CDC73: variants seen among roughly 807,000 people sequenced by gnomAD.
CDC73 encodes the protein parafibromin.
CDC73 carries 21 observed loss-of-function variants against 83.7 expected under a neutral mutation model. That is an observed-to-expected ratio of 0.25 (90% CI 0.18 to 0.36). The LOEUF is 0.36. Among genes scored for constraint, CDC73 ranks in the 10% least tolerant of loss-of-function variants. CDC73 has a pLI of 1.00. For synonymous variants in CDC73, 224 were observed against 212.9 expected (o/e 1.05, Z -0.45); for missense variants, 342 against 653.3 (o/e 0.52, Z 5.19).
intron 15 of CDC73, among the ~76,000 whole-genome samples, chr1:193,238,566 C>G (rs933807974): frequency 1.3e-5 from 2 of 152,154 alleles, no homozygotes; most frequent in Admixed American, 6.5e-5. Flanking sequence ...CTCTGGTTAT[C>G]AACTGGAATG....
intron 2 of CDC73, among the ~76,000 whole-genome samples, chr1:193,128,929 A>G (rs2103116712): frequency 6.6e-6 from 1 of 151,342 alleles, no homozygotes; most frequent in African/African-American, 2.4e-5. Flanking sequence ...TGTGTTTCAG[A>G]CTGGGTCTCG....
intron 2 of CDC73, among the ~76,000 whole-genome samples, chr1:193,127,288 A>AGT (rs747114430): frequency 3.7e-4 from 25 of 68,176 alleles, no homozygotes; most frequent in African/African-American, 1.3e-3. Context: ...AAAAAAAAAA[A>AGT]ATGTGTGTGT....
rs1245602161 is a variant in CDC73 at position 193,181,636 on chromosome 1, T to C, written c.973-22159T>C. ...TTTTCTTCTCCTTAATACTATTCTT[T>C]GGCAATCATTTTCTAATTCAGTCAC... On this transcript the variant is annotated intron_variant, in intron 10 of 16. Transcript: ENST00000367435. 2 of 1,320,396 alleles carry C rather than the reference T, an allele frequency of 1.5e-6. 1 individual carries two copies. Among genetic ancestry groups the C allele is most frequent in the South Asian group, 2.9e-5 (2 of 67,802 alleles). 81.8% of individuals were successfully genotyped at this position (1,320,396 alleles called of 1,614,324 possible). A position where few individuals can be genotyped will look rare whatever the true frequency, so the allele number is the denominator to read the frequency against.
intron 1 of CDC73, among the ~76,000 whole-genome samples, chr1:193,123,683 T>A (rs1036062522): frequency 1.3e-5 from 2 of 152,024 alleles, no homozygotes; most frequent in Admixed American, 6.5e-5. Flanking sequence ...TTTTTTTTTT[T>A]AGACAATGGC....
chr1:193,193,353 A>T (rs1006849531), intron 10 of CDC73, among the ~76,000 whole-genome samples: 3 of 152,200 alleles, frequency 2.0e-5, no homozygotes, highest in Admixed American at 2.0e-4. Context: ...ATAGCAAGAT[A>T]ATTGGAAATA....
At chr1:193,158,782 T>C (rs1402038516) in intron 10 of CDC73, among the ~76,000 whole-genome samples, 3 of 152,102 alleles carry the variant, frequency 2.0e-5, no homozygotes, top group African/African-American at 7.2e-5. Context: ...ACACTATTTT[T>C]TATATATATG....
intron 10 of CDC73, among the ~76,000 whole-genome samples, chr1:193,192,835 C>T (rs762024998): frequency 4.1e-4 from 63 of 152,288 alleles, no homozygotes; most frequent in East Asian, 1.2e-3. Flanking sequence ...GGTCACCCTC[C>T]GCTGGAGAGA....
intron 13 of CDC73, among the ~76,000 whole-genome samples, chr1:193,225,797 A>T (rs1677557084): frequency 6.6e-6 from 1 of 151,900 alleles, no homozygotes; most frequent in Non-Finnish European, 1.5e-5. Context: ...TAGATTCTGG[A>T]TATTAGTCCT....
At chr1:193,193,766 G>GCTAA (rs10626649) in intron 10 of CDC73, among the ~76,000 whole-genome samples, 108,327 of 148,686 alleles carry the variant, frequency 0.73, 39,622 homozygotes, top group South Asian at 0.82. Context: ...GAACATTTCA[G>GCTAA]CTGTCTTACT....
chr1:193,243,232 G>T (rs1030424324), intron 15 of CDC73, among the ~76,000 whole-genome samples: 1 of 151,910 alleles, frequency 6.6e-6, no homozygotes, highest in Non-Finnish European at 1.5e-5. Context: ...GAGCCACCGT[G>T]CCCAGCTTAC....
At chr1:193,226,175 T>TTG (rs1558317403) in intron 13 of CDC73, among the ~76,000 whole-genome samples, 1 of 152,080 alleles carries the variant, frequency 6.6e-6, no homozygotes, top group African/African-American at 2.4e-5. Context: ...GTTGAATAGG[T>TTG]TGTCCTTTCC....
intron 10 of CDC73, among the ~76,000 whole-genome samples, chr1:193,172,246 T>G (rs1416190973): frequency 3.3e-5 from 5 of 151,740 alleles, no homozygotes; most frequent in Middle Eastern, 3.2e-3. Flanking sequence ...CCTTTTTTTT[T>G]TTTTTTTTTA....
intron 15 of CDC73, among the ~76,000 whole-genome samples, chr1:193,248,853 G>A (rs948090221): frequency 6.6e-5 from 10 of 152,034 alleles, no homozygotes; most frequent in Non-Finnish European, 8.8e-5. Context: ...TTACAGATGA[G>A]CAAAGAAAGT....
intron 13 of CDC73, among the ~76,000 whole-genome samples, chr1:193,229,592 G>T (rs1373467689): frequency 1.3e-5 from 2 of 152,188 alleles, no homozygotes; most frequent in South Asian, 2.1e-4. Context: ...CAGTGATAAA[G>T]AAATTCCTGT....
At chr1:193,170,332 A>G (rs1168537285) in intron 10 of CDC73, among the ~76,000 whole-genome samples, 1 of 152,342 alleles carries the variant, frequency 6.6e-6, no homozygotes, top group Non-Finnish European at 1.5e-5. Context: ...TGCTGGGTTC[A>G]GTGGTATTTC....
In CDC73 at chr1:193,142,058, A is replaced by G. The variant is rs1572154890; in HGVS notation, c.721A>G (p.Thr241Ala). Residue 241 changes from threonine (T) to alanine (A), a missense_variant, in exon 7 of 17, where the codon ACA (threonine) becomes GCA (alanine). By Grantham distance (58) the Thr-to-Ala change is moderately conservative. Coordinates refer to ENST00000367435, the MANE Select transcript of CDC73 (RefSeq NM_024529.5). ...GACACGAACAACTATCTTACAAAGC[A>G]CAGGAAAGGTAATTAAAATATTTTA... ...WRTRTTILQS[T>A]GKNFSKNIFA... The G allele has an allele frequency of 6.2e-7, 1 of 1,611,494 alleles. No homozygotes were observed. Among genetic ancestry groups the G allele is most frequent in the Non-Finnish European group, 8.5e-7 (1 of 1,177,658 alleles).
chr1:193,204,966 A>G (rs917268150), intron 11 of CDC73, among the ~76,000 whole-genome samples: 22 of 152,180 alleles, frequency 1.4e-4, no homozygotes, highest in Admixed American at 9.8e-4. Context: ...TGAACACCTA[A>G]AATTCTGTAT....
chr1:193,138,327 T>C (rs1675837776), intron 6 of CDC73, among the ~76,000 whole-genome samples, 154 bp downstream of exon 6: 1 of 152,240 alleles, frequency 6.6e-6, no homozygotes, highest in African/African-American at 2.4e-5. Flanking sequence ...GTGTGGGGAT[T>C]GGAAGTCATT....
intron 11 of CDC73, among the ~76,000 whole-genome samples, chr1:193,207,050 G>T (rs1416184605): frequency 2.0e-5 from 3 of 152,074 alleles, no homozygotes; most frequent in Non-Finnish European, 4.4e-5. Flanking sequence ...TTTTCCCTAA[G>T]TGTCAGCCTG....
Sources: gnomAD v4.1 joint callset for allele counts (sites outside exome capture counted in the v4.1 genomes callset) on GRCh38, gnomAD v4.1.1 for gene constraint, MANE v1.5 for transcripts, NCBI Gene and HGNC (gene_info 2026-07-23, HGNC 2026-07-21) for gene names.